DGKB: variants seen among roughly 807,000 people sequenced by gnomAD.
DGKB encodes 90 kDa diacylglycerol kinase.
DGKB carries 67 observed loss-of-function variants against 114.3 expected under a neutral mutation model. The ratio of observed to expected loss-of-function variants is 0.59; its 90% CI spans 0.48 to 0.72. DGKB has a LOEUF of 0.72. Ranked by LOEUF, DGKB falls within the 30% of genes least tolerant of loss-of-function variation. DGKB has a pLI of 0.00. For synonymous variants in DGKB, 398 were observed against 323.1 expected (o/e 1.23, Z -2.49); for missense variants, 907 against 975.2 (o/e 0.93, Z 0.93).
At chr7:14,157,128 G>A (rs998877876) in intron 25 of DGKB, among the ~76,000 whole-genome samples, 1 of 152,016 alleles carries the variant, frequency 6.6e-6, no homozygotes, top group African/African-American at 2.4e-5. Context: ...GGTTTTCAGA[G>A]CAAAATAAAT....
intron 21 of DGKB, among the ~76,000 whole-genome samples, chr7:14,371,450 T>C (rs748230374): frequency 7.9e-5 from 12 of 152,204 alleles, no homozygotes; most frequent in South Asian, 4.1e-4. Flanking sequence ...TTCATGTTTG[T>C]TGGCAGCTTA....
intron 23 of DGKB, among the ~76,000 whole-genome samples, chr7:14,264,556 C>A (rs758986657): frequency 6.6e-6 from 1 of 152,144 alleles, no homozygotes; most frequent in African/African-American, 2.4e-5. Context: ...GGGCCTAAAC[C>A]TTAAGAAAGT....
rs7777813 is a variant in DGKB at position 14,211,091 on chromosome 7, C to G, written c.2123-32940G>C. Among the ~76,000 whole-genome samples, 1,045 of 152,122 alleles carry G rather than the reference C, an allele frequency of 6.9e-3. 7 individuals carry two copies. The highest frequency in any genetic ancestry group is 0.024 in the African/African-American group (978 of 41,532). ...TCTTTATAGGTTTCTTCACTGTGTT[C>G]TCCTACTCACCTCTCAAACTGTTCA... On this transcript the variant is annotated intron_variant, in intron 23 of 25. Coordinates refer to ENST00000402815, the MANE Select transcript of DGKB (RefSeq NM_001350709.2).
At chr7:14,337,431 T>C (rs917947324) in intron 23 of DGKB, among the ~76,000 whole-genome samples, 29 of 152,142 alleles carry the variant, frequency 1.9e-4, no homozygotes, top group Admixed American at 1.8e-3. Flanking sequence ...CCACCTGTCA[T>C]TGGCAGGTTG....
intron 25 of DGKB, among the ~76,000 whole-genome samples, chr7:14,169,248 C>T (rs1445135446): frequency 6.6e-6 from 1 of 151,172 alleles, no homozygotes; most frequent in East Asian, 1.9e-4. Flanking sequence ...GCCTGTAGTC[C>T]CAGCTACTCG....
intron 16 of DGKB, among the ~76,000 whole-genome samples, chr7:14,611,080 C>A (rs1490836137): frequency 5.9e-5 from 9 of 152,064 alleles, no homozygotes; most frequent in Non-Finnish European, 1.3e-4. Context: ...ACAAGTCTGC[C>A]TTTCTCCTTC....
chr7:14,604,202 G>C (rs1257398708), intron 17 of DGKB, among the ~76,000 whole-genome samples: 2 of 152,054 alleles, frequency 1.3e-5, no homozygotes, highest in African/African-American at 4.8e-5. Context: ...GGATCAGGGA[G>C]AGATGATTTA....
chr7:14,249,735 T>C (rs1278087239), intron 23 of DGKB, among the ~76,000 whole-genome samples: 1 of 152,164 alleles, frequency 6.6e-6, no homozygotes, highest in Non-Finnish European at 1.5e-5. Flanking sequence ...TTTATCCTAG[T>C]CTAATTAAAG....
intron 23 of DGKB, among the ~76,000 whole-genome samples, chr7:14,252,089 C>T (rs957319476): frequency 3.3e-5 from 5 of 152,094 alleles, no homozygotes; most frequent in Non-Finnish European, 7.4e-5. Flanking sequence ...GCTTTTTGCC[C>T]TTTCTCTTGC....
chr7:14,749,432 T>G (rs1880553), intron 4 of DGKB, among the ~76,000 whole-genome samples: 1 of 151,964 alleles, frequency 6.6e-6, no homozygotes, highest in Non-Finnish European at 1.5e-5. Flanking sequence ...TACCTAAGAC[T>G]AGAATTATGA....
chr7:14,705,879 C>G (rs1204752894), intron 6 of DGKB, among the ~76,000 whole-genome samples: 1 of 151,872 alleles, frequency 6.6e-6, no homozygotes, highest in Non-Finnish European at 1.5e-5. Flanking sequence ...ATGTAAAGAC[C>G]ATCGAGACTA....
At chr7:14,730,987 G>A (rs1404276308) in intron 5 of DGKB, among the ~76,000 whole-genome samples, 1 of 152,178 alleles carries the variant, frequency 6.6e-6, no homozygotes, top group Non-Finnish European at 1.5e-5. Context: ...CCTGCTCTGA[G>A]AGCCTGCTAA....
intron 20 of DGKB, among the ~76,000 whole-genome samples, chr7:14,533,012 A>C (rs896858275): frequency 4.0e-5 from 6 of 151,846 alleles, no homozygotes; most frequent in Non-Finnish European, 8.9e-5. Flanking sequence ...GAAACTAATA[A>C]AATTCCCATA....
intron 23 of DGKB, among the ~76,000 whole-genome samples, chr7:14,237,340 C>T (rs1387838575): frequency 6.6e-6 from 1 of 151,788 alleles, no homozygotes; most frequent in Non-Finnish European, 1.5e-5. Flanking sequence ...CTCCCTTTCT[C>T]CCTCTTTCCT....
intron 1 of DGKB, among the ~76,000 whole-genome samples, chr7:14,960,923 G>A (rs748320065): frequency 5.3e-5 from 8 of 152,016 alleles, no homozygotes; most frequent in East Asian, 1.9e-4. Context: ...GATCTCGGGC[G>A]TGGGCGGAGG....
chr7:14,222,560 G>A (rs1356054518), intron 23 of DGKB, among the ~76,000 whole-genome samples: 1 of 151,300 alleles, frequency 6.6e-6, no homozygotes, highest in African/African-American at 2.4e-5. Context: ...CTATCCTGGA[G>A]AATGTTTGAT....
At chr7:14,399,424 T>C (rs6461095) in intron 21 of DGKB, among the ~76,000 whole-genome samples, 147,941 of 151,730 alleles carry the variant, frequency 0.98, 72,226 homozygotes, top group Non-Finnish European at 1. Flanking sequence ...GACAGAAGTA[T>C]GTAACTTGTT....
rs551919913 is a variant in DGKB, at chr7:14,775,561, C to T, written c.71-17830G>A. Among the ~76,000 whole-genome samples the T allele has an allele frequency of 1.2e-4, 18 of 151,986 alleles. 1 individual carries two copies. In the East Asian group the frequency reaches 1.4e-3, roughly 12 times the overall value. On this transcript the variant is annotated intron_variant, in intron 2 of 25. Coordinates refer to ENST00000402815, the MANE Select transcript of DGKB (RefSeq NM_001350709.2). ...ACCTAGTGGGAGATAATTGAATCAT[C>T]GAGATGGTTACTTCCATGCTGTTTT...
rs988377863 is a variant in DGKB at position 14,780,114 on chromosome 7, C to T, written c.71-22383G>A. On this transcript the variant is annotated intron_variant, in intron 2 of 25. Transcript: ENST00000402815. ...TTGGGACACTTAAACAGTGATGTGC[C>T]TTCTGCATGCTTTCTCTGCCCTGCT... 2.0e-5 allele frequency among the ~76,000 whole-genome samples: 3 copies of T among 152,154 alleles called. No homozygotes were observed. In the East Asian group the frequency reaches 5.8e-4, roughly 29 times the overall value.
Sources: gnomAD v4.1 joint callset for allele counts (sites outside exome capture counted in the v4.1 genomes callset) on GRCh38, gnomAD v4.1.1 for gene constraint, MANE v1.5 for transcripts, NCBI Gene and HGNC (gene_info 2026-07-23, HGNC 2026-07-21) for gene names.